Variants in MYO18B observed in about 807,000 individuals in gnomAD.
The protein encoded by MYO18B is myosin XVIIIB, also known as unconventional myosin-XVIIIb.
MYO18B carries 204 observed loss-of-function variants against 273.0 expected under a neutral mutation model. That is an observed-to-expected ratio of 0.75 (90% CI 0.67 to 0.84). The LOEUF (loss-of-function observed/expected upper bound fraction) is 0.84. Ranked by LOEUF, MYO18B falls within the 40% of genes least tolerant of loss-of-function variation. MYO18B has a pLI of 0.00. For missense variants in MYO18B, 3,212 were observed against 3,287.6 expected, an observed-to-expected ratio of 0.98 and a Z score of 0.56; for synonymous variants, 1,330 against 1,305.7, an observed-to-expected ratio of 1.02 and a Z score of -0.40.
Position 25,960,499 on chromosome 22 carries a change from C to T in MYO18B, c.6156+5135C>T, listed in dbSNP as rs528042692. Among the ~76,000 whole-genome samples the T allele has an allele frequency of 1.1e-4, 16 of 152,246 alleles. No individual in the cohort carries two copies. The South Asian group carries it at 2.9e-3, about 28-fold the overall frequency. ...GCCTGATTCTCCGGTTTTGACTTTCCCCTGATCCAGGTGTCCTTTTCACAA... is the reference window on the plus strand; with the variant it reads ...GCCTGATTCTCCGGTTTTGACTTTCTCCTGATCCAGGTGTCCTTTTCACAA... On this transcript the variant is annotated intron_variant, in intron 39 of 43. Transcript: ENST00000335473.
intron 9 of MYO18B, 63 bp downstream of exon 9, chr22:25,780,261 C>G (rs2087085349): frequency 6.5e-7 from 1 of 1,529,400 alleles, no homozygotes; most frequent in Admixed American, 2.0e-5. Flanking sequence ...AACCCCGGGA[C>G]TCAGCAGAGC....
Position 26,027,509 on chromosome 22 carries a change from C to T in MYO18B, c.7535C>T (p.Ser2512Phe), listed in dbSNP as rs1395757082. The T allele has an allele frequency of 6.2e-7, 1 of 1,614,026 alleles. No homozygotes were observed. The highest frequency in any genetic ancestry group is 1.7e-5 in the Admixed American group (1 of 60,022). The change falls in exon 43 of 44, where the codon TCC becomes TTC. Residue 2512 changes from serine to phenylalanine, a missense_variant. Coordinates refer to ENST00000335473, the MANE Select transcript of MYO18B (RefSeq NM_032608.7). This position sits in a 1 kb window ranked among gnomAD's most constrained non-coding sequence, Gnocchi z 4.1. ...PAHLSDSSSS[S>F]GSIVSFKSAD... ...CACCTGTCTGACTCGTCCTCATCCTCCGGCTCCATCGTGTCCTTCAAAAGT... is the reference window on the plus strand; with the variant it reads ...CACCTGTCTGACTCGTCCTCATCCTTCGGCTCCATCGTGTCCTTCAAAAGT...
intron 1 of MYO18B, among the ~76,000 whole-genome samples, chr22:25,742,625 C>A (rs1690107592): frequency 6.6e-6 from 1 of 152,310 alleles, no homozygotes; most frequent in East Asian, 1.9e-4. Context: ...CACTGTGAAT[C>A]TTTGCCCGCA....
chr22:26,034,976 T>C (rs1427754528), downstream of MYO18B, among the ~76,000 whole-genome samples: 1 of 152,222 alleles, frequency 6.6e-6, no homozygotes, highest in African/African-American at 2.4e-5. Context: ...GTGAAGCTTA[T>C]GGTTTACTGT....
the MYO18B span, among the ~76,000 whole-genome samples, chr22:26,042,698 C>T: frequency 5.3e-5 from 8 of 152,198 alleles, no homozygotes; most frequent in African/African-American, 1.9e-4. Flanking sequence ...CATTTCACTC[C>T]TTCTCTCTCC....
At chr22:25,983,243 C>T (rs566104704) in intron 39 of MYO18B, 2 of 152,290 alleles carry the variant, frequency 1.3e-5, no homozygotes, top group African/African-American at 4.8e-5. Context: ...GTGATGTGCA[C>T]CTGTGGTCCT....
chr22:25,794,256 G>T (rs1315261865), intron 11 of MYO18B, among the ~76,000 whole-genome samples: 1 of 151,366 alleles, frequency 6.6e-6, no homozygotes, highest in Admixed American at 6.6e-5. Context: ...ACCCAGGCTG[G>T]AGTGCAGTGG....
intron 13 of MYO18B, among the ~76,000 whole-genome samples, chr22:25,825,859 G>A (rs1314413224): frequency 6.6e-6 from 1 of 152,074 alleles, no homozygotes; most frequent in Non-Finnish European, 1.5e-5. Flanking sequence ...CCCAGTATAC[G>A]AACATTTTAT....
chr22:25,950,332 G>A, intron 36 of MYO18B, 35 bp from the exon 37 acceptor site: 1 of 1,509,690 alleles, frequency 6.6e-7, no homozygotes, highest in Non-Finnish European at 8.9e-7. Flanking sequence ...TGGACTCAGG[G>A]TGATATATAT....
At position 25,972,591 on chromosome 22, in the gene MYO18B, C is replaced by G. The variant is rs991563367; in HGVS notation, c.6156+17227C>G. ...GTGACTCCTAGGCACAGCAGCATGGCAGGAGCCCTGATGTCGGTATTTCAT... is the reference window on the plus strand; with the variant it reads ...GTGACTCCTAGGCACAGCAGCATGGGAGGAGCCCTGATGTCGGTATTTCAT... On this transcript the variant is annotated intron_variant, in intron 39 of 43. Coordinates refer to ENST00000335473, the MANE Select transcript of MYO18B (RefSeq NM_032608.7). Among the ~76,000 whole-genome samples the G allele has an allele frequency of 2.0e-5, 3 of 152,296 alleles. No individual in the cohort carries two copies. The South Asian group carries it at 6.2e-4, about 32-fold the overall frequency.
chr22:25,769,466 A>G, intron 4 of MYO18B, 38 bp downstream of exon 4: 1 of 1,465,924 alleles, frequency 6.8e-7, no homozygotes, highest in Middle Eastern at 2.4e-4. Context: ...GAAGCGGCAG[A>G]CAGGCCTCTC....
intron 22 of MYO18B, among the ~76,000 whole-genome samples, chr22:25,872,718 C>T (rs1224576880): frequency 6.6e-6 from 1 of 151,944 alleles, no homozygotes; most frequent in Admixed American, 6.6e-5. Flanking sequence ...ATCATCGTAA[C>T]TACCATATAG....
chr22:25,949,964 A>C (rs1256308258), intron 36 of MYO18B, among the ~76,000 whole-genome samples: 1 of 152,184 alleles, frequency 6.6e-6, no homozygotes, highest in African/African-American at 2.4e-5. Context: ...CGTTTTACGA[A>C]TGCAGAGACT....
At chr22:25,846,396 G>C in intron 19 of MYO18B, 113 bp downstream of exon 19, 1 of 1,198,016 alleles carries the variant, frequency 8.3e-7, no homozygotes. Flanking sequence ...AAGGCCAGAG[G>C]GGCGAGTGTC....
chr22:25,772,984 C>T (rs1029946844), intron 7 of MYO18B, among the ~76,000 whole-genome samples: 1 of 152,184 alleles, frequency 6.6e-6, no homozygotes, highest in Admixed American at 6.5e-5. Flanking sequence ...CTCTTCATCC[C>T]ATGCTGAACT....
intron 21 of MYO18B, among the ~76,000 whole-genome samples, chr22:25,865,551 T>C (rs1569127231): frequency 6.6e-6 from 1 of 152,234 alleles, no homozygotes; most frequent in East Asian, 1.9e-4. Context: ...GCTTACTATA[T>C]GCCAGGTGCT....
intron 22 of MYO18B, among the ~76,000 whole-genome samples, chr22:25,868,836 T>G (rs2090965949): frequency 6.6e-6 from 1 of 152,218 alleles, no homozygotes; most frequent in East Asian, 1.9e-4. Context: ...AGCCCGTGAT[T>G]ATTCAGGTTG....
chr22:25,921,815 AGTGTGTGTGT>A (rs71191088), intron 34 of MYO18B, among the ~76,000 whole-genome samples: 305 of 130,548 alleles, frequency 2.3e-3, no homozygotes, highest in African/African-American at 8.5e-3. Context: ...AAATAGCAAT[AGTGTGTGTGT>A]GTGTGTGTGT....
rs1327833797 is a variant in MYO18B at position 25,754,557 on chromosome 22, TCTCCCC to T, written c.-109-6426_-109-6421del. The stretch of plus-strand genomic sequence containing the variant: ...CTCCTGGCTTTGGGGTTGCGTTTTC[TCTCCCC>T]AGCCTCTCTCCCCTTTAAGGGGAGA... On this transcript the variant is annotated intron_variant, in intron 1 of 43. Coordinates refer to ENST00000335473, the MANE Select transcript of MYO18B (RefSeq NM_032608.7). Among the ~76,000 whole-genome samples the T allele has an allele frequency of 4.2e-4, 64 of 152,294 alleles. 1 individual carries two copies. Among genetic ancestry groups the T allele is most frequent in the African/African-American group, 1.5e-3 (63 of 41,570 alleles).
Sources: allele counts gnomAD v4.1 joint callset (sites outside exome capture counted in the v4.1 genomes callset), GRCh38; gene constraint gnomAD v4.1.1; non-coding constraint Gnocchi (gnomAD v3.1); transcripts MANE v1.5; gene names NCBI Gene and HGNC (gene_info 2026-07-23, HGNC 2026-07-21).